COL21A1: variants seen among roughly 807,000 people sequenced by gnomAD.
The protein encoded by COL21A1 is collagen alpha-1(XXI) chain.
COL21A1 carries 149 observed loss-of-function variants against 137.9 expected under a neutral mutation model. The observed-to-expected ratio is 1.08, with a 90% CI of 0.95 to 1.24. COL21A1 has a LOEUF of 1.24. COL21A1 is among the 50% of genes most tolerant of loss of function. The probability of loss-of-function intolerance (pLI) is 0.00; values close to 1 mark genes in which losing one functional copy is unlikely to be tolerated. For missense variants in COL21A1, 1,167 were observed against 1,158.4 expected (o/e 1.01, Z -0.11); for synonymous variants, 456 against 391.5 (o/e 1.16, Z -1.95).
At chr6:56,302,539 G>A (rs1764325504) in intron 1 of COL21A1, among the ~76,000 whole-genome samples, 4 of 152,066 alleles carry the variant, frequency 2.6e-5, no homozygotes, top group African/African-American at 9.7e-5. Flanking sequence ...TTTGAGAAGT[G>A]TCTGTTCATA....
chr6:56,098,216 T>G lies in COL21A1; in HGVS notation c.1812+3256A>C, dbSNP rs1340425562. ...AAATATATAAATATATATAAATATATAAATACATATATAAATATATAAATA... is the reference window on the plus strand; with the variant it reads ...AAATATATAAATATATATAAATATAGAAATACATATATAAATATATAAATA... On this transcript the variant is annotated intron_variant, in intron 17 of 29. Coordinates refer to ENST00000244728, the MANE Select transcript of COL21A1 (RefSeq NM_030820.4). Among the ~76,000 whole-genome samples, 3 of 71,410 alleles carry G rather than the reference T, an allele frequency of 4.2e-5. No individual in the cohort carries two copies. The South Asian group carries it at 1.7e-3, about 39-fold the overall frequency. 46.8% of individuals were successfully genotyped at this position (71,410 alleles called of 152,430 possible).
rs1248342083 is a variant in COL21A1, at chr6:56,069,113, T to A, written c.2024A>T (p.Glu675Val). 1 of 1,594,970 alleles carries A rather than the reference T, an allele frequency of 6.3e-7. No individual in the cohort carries two copies. Among genetic ancestry groups the A allele is most frequent in the South Asian group, 1.1e-5 (1 of 87,846 alleles). ...TCCTGGGGAACCCGTTGCTCCTGGT[T>A]CTCCCTATGTAACACAGAAATTCCA... ...GMPGASGLKG[E>V]PGATGSPGEP... The change falls in exon 22 of 30, where the codon GAA becomes GTA. Residue 675 changes from glutamate to valine, a missense_variant. Coordinates refer to ENST00000244728, the MANE Select transcript of COL21A1 (RefSeq NM_030820.4).
chr6:56,147,369 T>C (rs1447483071), intron 10 of COL21A1, among the ~76,000 whole-genome samples: 1 of 151,878 alleles, frequency 6.6e-6, no homozygotes, highest in East Asian at 1.9e-4. Flanking sequence ...TTTTTGCTTT[T>C]TTTTTTTCTG....
intron 12 of COL21A1, among the ~76,000 whole-genome samples, chr6:56,128,724 G>A (rs567714346): frequency 2.6e-5 from 4 of 152,164 alleles, no homozygotes; most frequent in East Asian, 3.9e-4. Context: ...GTGTGATCGC[G>A]GCTCACTGCA....
intron 1 of COL21A1, among the ~76,000 whole-genome samples, chr6:56,290,154 C>G (rs115891404): frequency 4.5e-3 from 679 of 152,218 alleles, no homozygotes; most frequent in Non-Finnish European, 5.6e-3. Flanking sequence ...TTTGGCACAA[C>G]AGAATGAATA....
intron 16 of COL21A1, among the ~76,000 whole-genome samples, chr6:56,107,825 C>A (rs1771083427): frequency 6.6e-6 from 1 of 151,996 alleles, no homozygotes; most frequent in African/African-American, 2.4e-5. Flanking sequence ...GGTAAAGGTG[C>A]TGGTGACAAA....
intron 1 of COL21A1, among the ~76,000 whole-genome samples, chr6:56,301,711 C>CTT (rs67049923): frequency 6.0e-5 from 9 of 151,202 alleles, no homozygotes; most frequent in Non-Finnish European, 1.0e-4. Flanking sequence ...TAACTTTTTT[C>CTT]TTTTTTTTTC....
chr6:56,087,983 A>T (rs1053626035), intron 17 of COL21A1, among the ~76,000 whole-genome samples: 2 of 152,302 alleles, frequency 1.3e-5, no homozygotes, highest in East Asian at 3.9e-4. Flanking sequence ...TCCTTTGCTG[A>T]CATTAAATTC....
chr6:56,132,084 G>T (rs902842719), intron 12 of COL21A1, among the ~76,000 whole-genome samples: 2 of 150,182 alleles, frequency 1.3e-5, no homozygotes, highest in African/African-American at 4.9e-5. Flanking sequence ...AAAATAAATA[G>T]CTTTTTATAT....
intron 1 of COL21A1, among the ~76,000 whole-genome samples, chr6:56,230,555 T>C (rs1413439825): frequency 6.6e-6 from 1 of 151,922 alleles, no homozygotes; most frequent in Non-Finnish European, 1.5e-5. Context: ...TTTTTTTAGT[T>C]TGTATTGTTA....
chr6:56,079,746 A>C (rs1267212910), intron 17 of COL21A1, among the ~76,000 whole-genome samples: 3 of 151,768 alleles, frequency 2.0e-5, no homozygotes, highest in Non-Finnish European at 3.0e-5. Context: ...TCATCCTCTC[A>C]AACTGGCCAA....
intron 1 of COL21A1, among the ~76,000 whole-genome samples, chr6:56,310,513 A>T (rs564634277): frequency 6.6e-6 from 1 of 152,342 alleles, no homozygotes; most frequent in South Asian, 2.1e-4. Context: ...AAAAGTGGGG[A>T]GGTCTACAAA....
At chr6:56,071,778 G>A (rs930963340) in intron 20 of COL21A1, among the ~76,000 whole-genome samples, 3 of 151,354 alleles carry the variant, frequency 2.0e-5, no homozygotes, top group African/African-American at 4.8e-5. Flanking sequence ...TATCTGACTC[G>A]ATAAAGCTAA....
In COL21A1 at chr6:56,060,070, A is replaced by G. The variant is rs1765663837; in HGVS notation, c.2556T>C (p.Gly852=). 1 of 1,610,714 alleles carries G rather than the reference A, an allele frequency of 6.2e-7. No homozygotes were observed. The change falls in exon 28 of 30, where the codon GGT becomes GGC. Residue 852 remains glycine, a synonymous_variant. Coordinates refer to ENST00000244728, the MANE Select transcript of COL21A1 (RefSeq NM_030820.4). ...CAGGGACACCCACTAATCCAGGAAC[A>G]CCATCTCTTCCTGGCAAACCAGGTA... ...RGLPGLPGRD[G]VPGLVGVPGR...
chr6:56,115,940 T>C (rs1252458204), intron 16 of COL21A1, among the ~76,000 whole-genome samples: 2 of 151,834 alleles, frequency 1.3e-5, no homozygotes, highest in Admixed American at 6.6e-5. Flanking sequence ...GAAGAAGTAA[T>C]TGATGAGCTT....
chr6:56,391,686 A>G (rs889766045), intron 1 of COL21A1, among the ~76,000 whole-genome samples: 2 of 152,144 alleles, frequency 1.3e-5, no homozygotes, highest in Non-Finnish European at 2.9e-5. Context: ...AAAACCTAGA[A>G]CAATTGGATA....
chr6:56,189,883 A>C (rs1221687461), intron 1 of COL21A1, among the ~76,000 whole-genome samples: 1 of 152,218 alleles, frequency 6.6e-6, no homozygotes, highest in African/African-American at 2.4e-5. Flanking sequence ...TTCATAAGCT[A>C]AGGAGAAATA....
chr6:56,172,616 A>G (rs760074891), intron 3 of COL21A1, among the ~76,000 whole-genome samples: 10 of 152,160 alleles, frequency 6.6e-5, no homozygotes, highest in Non-Finnish European at 2.9e-5. Context: ...AAGTAAATAT[A>G]TAGACAGACA....
chr6:56,193,551 T>C (rs1377765666), intron 1 of COL21A1, among the ~76,000 whole-genome samples: 1 of 152,134 alleles, frequency 6.6e-6, no homozygotes, highest in Non-Finnish European at 1.5e-5. Flanking sequence ...GTAAACTTCC[T>C]GGGTAACAGA....
Sources: gnomAD v4.1 joint callset for allele counts (sites outside exome capture counted in the v4.1 genomes callset) on GRCh38, gnomAD v4.1.1 for gene constraint, MANE v1.5 for transcripts, NCBI Gene and HGNC (gene_info 2026-07-23, HGNC 2026-07-21) for gene names.